The following NTN1 variants were observed in gnomAD, a reference collection of about 807,000 sequenced individuals.
NTN1 encodes the protein netrin 1, also known as netrin-1.
Under a neutral mutation model 54.2 loss-of-function variants are expected in NTN1, and 11 were observed. That is an observed-to-expected ratio of 0.20 (90% confidence interval 0.13 to 0.34). NTN1 has a LOEUF of 0.34. Ranked by LOEUF, NTN1 falls within the 10% of genes least tolerant of loss-of-function variation. NTN1 has a pLI of 1.00. For missense variants in NTN1, 740 were observed against 893.1 expected (o/e 0.83, Z 2.18); for synonymous variants, 371 against 382.0 (o/e 0.97, Z 0.33).
chr17:9,134,567 A>G (rs2092275395), intron 2 of NTN1, among the ~76,000 whole-genome samples: 1 of 152,232 alleles, frequency 6.6e-6, no homozygotes, highest in African/African-American at 2.4e-5. Flanking sequence ...GGTGGGGACC[A>G]CACTTTTTAA....
At chr17:9,079,276 G>T (rs9901367) in intron 2 of NTN1, among the ~76,000 whole-genome samples, 67,250 of 152,046 alleles carry the variant, frequency 0.44, 15,328 homozygotes, top group East Asian at 0.58. Context: ...CCCAGGGGGT[G>T]AGCTGCAGCA....
chr17:9,117,847 G>A (rs934471979), intron 2 of NTN1, among the ~76,000 whole-genome samples: 2 of 151,880 alleles, frequency 1.3e-5, no homozygotes, highest in African/African-American at 4.8e-5. Flanking sequence ...GGTGGGTGGA[G>A]GACAGATTCC....
intron 2 of NTN1, among the ~76,000 whole-genome samples, chr17:9,111,316 A>G (rs2092189773): frequency 6.6e-6 from 1 of 152,212 alleles, no homozygotes; most frequent in Admixed American, 6.5e-5. Context: ...GTTTACAGGC[A>G]GTTAGGTCAT....
At chr17:9,109,112 T>C (rs888376650) in intron 2 of NTN1, among the ~76,000 whole-genome samples, 5 of 152,160 alleles carry the variant, frequency 3.3e-5, no homozygotes, top group African/African-American at 1.2e-4. Flanking sequence ...CCTGACCTCA[T>C]GATCCTCCCA....
chr17:9,221,147 T>TGC lies in NTN1; in HGVS notation c.1412-21_1412-20insGC. 3.1e-5 allele frequency: 40 copies of TGC among 1,303,738 alleles called. No homozygotes were observed. Among genetic ancestry groups the TGC allele is most frequent in the Non-Finnish European group, 3.7e-5 (35 of 952,814 alleles). The allele number at this position is 1,303,738 out of a possible 1,614,324, so 80.8% of individuals were successfully genotyped here. The stretch of plus-strand genomic sequence containing the variant: ...CAGCCTAATTAGTTTTTGTCTGTGC[T>TGC]CCCCCCCCACCCCCCTGCAGACTGC... On this transcript the variant is annotated intron_variant, in intron 5 of 6. Coordinates refer to ENST00000173229, the MANE Select transcript of NTN1 (RefSeq NM_004822.3). The surrounding 1 kb of genome is among the most constrained non-coding windows in gnomAD (Gnocchi z 4.5).
chr17:9,232,517 G>C (rs1188444924), intron 6 of NTN1, among the ~76,000 whole-genome samples: 5 of 152,114 alleles, frequency 3.3e-5, no homozygotes, highest in African/African-American at 1.2e-4. Context: ...CTGAGAGAGA[G>C]GGTCATCCTG....
rs946132042 is a variant in NTN1 at position 9,211,257 on chromosome 17, G to A, written c.1412-9911G>A. Among the ~76,000 whole-genome samples, 1 of 152,088 alleles carries A rather than the reference G, an allele frequency of 6.6e-6. No individual in the cohort carries two copies. The highest frequency in any genetic ancestry group is 1.5e-5 in the Non-Finnish European group (1 of 68,024). On this transcript the variant is annotated intron_variant, in intron 5 of 6. Coordinates refer to ENST00000173229, the MANE Select transcript of NTN1 (RefSeq NM_004822.3). The surrounding 1 kb of genome is among the most constrained non-coding windows in gnomAD (Gnocchi z 4.4). Reference sequence around the variant, plus strand: ...CTGCCCTGGGGCCTTTGCAACTGCCGAGTGCTGGGATGCTCCTCCCTGCAC... The same window carrying A: ...CTGCCCTGGGGCCTTTGCAACTGCCAAGTGCTGGGATGCTCCTCCCTGCAC...
At chr17:9,114,239 G>A (rs2092203212) in intron 2 of NTN1, among the ~76,000 whole-genome samples, 1 of 144,766 alleles carries the variant, frequency 6.9e-6, no homozygotes, top group Non-Finnish European at 1.5e-5. Context: ...AGGAGTAAGG[G>A]AAAAAAAAGG....
intron 2 of NTN1, among the ~76,000 whole-genome samples, chr17:9,122,718 C>G (rs78090628): frequency 0.01 from 1,579 of 152,250 alleles, 30 homozygotes; most frequent in African/African-American, 0.036. Context: ...ACAGTTTATC[C>G]CACCAGCCAG....
intron 2 of NTN1, among the ~76,000 whole-genome samples, chr17:9,103,226 T>C (rs879323479): frequency 6.6e-6 from 1 of 152,252 alleles, no homozygotes; most frequent in Non-Finnish European, 1.5e-5. Context: ...CCCATGTTCA[T>C]AGCAGCATGA....
intron 2 of NTN1, among the ~76,000 whole-genome samples, chr17:9,033,604 C>A (rs2091894157): frequency 1.1e-5 from 1 of 89,394 alleles, no homozygotes; most frequent in South Asian, 3.6e-4. Context: ...AGACTGCCGT[C>A]TCTACAAAAA....
chr17:9,190,098 TAGTA>T (rs1328639168), intron 5 of NTN1, among the ~76,000 whole-genome samples: 21 of 152,232 alleles, frequency 1.4e-4, no homozygotes, highest in Non-Finnish European at 2.1e-4. Context: ...GCATGGCCTG[TAGTA>T]AGTACTCAGT....
At chr17:9,097,639 A>T (rs2092136214) in intron 2 of NTN1, among the ~76,000 whole-genome samples, 1 of 152,182 alleles carries the variant, frequency 6.6e-6, no homozygotes. Context: ...CAAAAAAAGA[A>T]AAACAAAAAA....
chr17:9,130,639 C>T (rs757532277), intron 2 of NTN1, among the ~76,000 whole-genome samples: 10 of 152,230 alleles, frequency 6.6e-5, no homozygotes, highest in Middle Eastern at 3.4e-3. Context: ...TGGTCCTTGA[C>T]GTCTCTTGGA....
At chr17:9,129,055 C>T (rs888348349) in intron 2 of NTN1, among the ~76,000 whole-genome samples, 5 of 152,148 alleles carry the variant, frequency 3.3e-5, no homozygotes, top group African/African-American at 9.7e-5. Context: ...AGTCCCTCTC[C>T]GCGGTAACAC....
At chr17:9,053,187 G>A (rs550817507) in intron 2 of NTN1, among the ~76,000 whole-genome samples, 60 of 152,340 alleles carry the variant, frequency 3.9e-4, no homozygotes, top group Admixed American at 3.5e-3. Flanking sequence ...CAGCAGGATT[G>A]AGTTGTTGCA....
intron 6 of NTN1, among the ~76,000 whole-genome samples, chr17:9,225,277 T>C (rs1211530722): frequency 6.6e-6 from 1 of 150,440 alleles, no homozygotes; most frequent in Non-Finnish European, 1.5e-5. Flanking sequence ...AAATAAAAAG[T>C]TGGGGAGTCC....
At chr17:9,102,487 T>C (rs1347909236) in intron 2 of NTN1, among the ~76,000 whole-genome samples, 1 of 152,042 alleles carries the variant, frequency 6.6e-6, no homozygotes, top group East Asian at 1.9e-4. Flanking sequence ...CCTTCCCATA[T>C]CCCCATAACA....
intron 2 of NTN1, among the ~76,000 whole-genome samples, chr17:9,027,138 C>G (rs893523249): frequency 6.6e-6 from 1 of 152,034 alleles, no homozygotes. Flanking sequence ...ATCCAATGCC[C>G]CACTAAAGAT....
Sources: gnomAD v4.1 joint callset for allele counts (sites outside exome capture counted in the v4.1 genomes callset) on GRCh38, gnomAD v4.1.1 for gene constraint, Gnocchi (gnomAD v3.1) non-coding constraint, MANE v1.5 for transcripts, NCBI Gene and HGNC (gene_info 2026-07-23, HGNC 2026-07-21) for gene names.